The following ZNF423 variants were observed in gnomAD, a reference collection of about 807,000 sequenced individuals.
ZNF423 encodes zinc finger protein 423.
In ZNF423, 12 loss-of-function variants were observed where a neutral mutation model predicts 95.8. That is an observed-to-expected ratio of 0.13 (90% confidence interval 0.08 to 0.20). ZNF423 has a LOEUF of 0.20. Among genes scored for constraint, ZNF423 ranks in the 10% least tolerant of loss-of-function variants. The pLI is 1.00. For missense variants in ZNF423, 1,316 were observed against 1,737.1 expected (o/e 0.76, Z 4.31); for synonymous variants, 749 against 711.9 (o/e 1.05, Z -0.83).
intron 2 of ZNF423, 25 bp downstream of exon 2, chr16:49,789,462 C>A (rs2034374445): frequency 6.2e-7 from 1 of 1,609,168 alleles, no homozygotes; most frequent in Non-Finnish European, 8.5e-7. Context: ...CCCTGCAACT[C>A]TTCCACCAGC....
rs925160505 is a variant in ZNF423 at position 49,777,694 on chromosome 16, A to G, written c.100+11793T>C. ...AGCAACTACAGAAAGCGTGCCCTAG[A>G]CTCAGACAAAACCCCAACTAGCTGT... On this transcript the variant is annotated intron_variant, in intron 2 of 7. Transcript: ENST00000563137. Among the ~76,000 whole-genome samples the G allele has an allele frequency of 2.0e-5, 3 of 152,106 alleles. No individual in the cohort carries two copies. In the East Asian group the frequency reaches 5.8e-4, roughly 29 times the overall value.
chr16:49,491,625 G>T (rs1219304161), intron 7 of ZNF423, among the ~76,000 whole-genome samples: 1 of 151,482 alleles, frequency 6.6e-6, no homozygotes, highest in East Asian at 1.9e-4. Flanking sequence ...AAATGCCGGG[G>T]AGGAGGCAGG....
At chr16:49,497,585 C>A (rs768142964) in intron 7 of ZNF423, among the ~76,000 whole-genome samples, 59 of 152,210 alleles carry the variant, frequency 3.9e-4, no homozygotes, top group African/African-American at 1.4e-3. Context: ...GCCTGCACAT[C>A]ACCTCACTGT....
chr16:49,534,576 C>A (rs562866931), intron 5 of ZNF423, among the ~76,000 whole-genome samples: 5 of 152,184 alleles, frequency 3.3e-5, no homozygotes, highest in Non-Finnish European at 5.9e-5. Context: ...TCTGACATGA[C>A]TCTACCTGAA....
At chr16:49,751,925 G>C (rs1429830222) in intron 2 of ZNF423, among the ~76,000 whole-genome samples, 1 of 152,198 alleles carries the variant, frequency 6.6e-6, no homozygotes, top group African/African-American at 2.4e-5. Context: ...CTCCCACCCA[G>C]GCAGGACAGT....
chr16:49,828,979 G>A (rs1290190839), intron 1 of ZNF423, among the ~76,000 whole-genome samples: 2 of 152,130 alleles, frequency 1.3e-5, no homozygotes, highest in Non-Finnish European at 2.9e-5. Context: ...TGCTCCCGCT[G>A]GGCCCTCATT....
intron 2 of ZNF423, among the ~76,000 whole-genome samples, chr16:49,770,755 G>A (rs936541009): frequency 5.9e-5 from 9 of 152,162 alleles, no homozygotes; most frequent in Admixed American, 2.0e-4. Flanking sequence ...GATCATCTCC[G>A]GGCCCTACTA....
At chr16:49,610,289 C>T (rs893265383) in intron 5 of ZNF423, among the ~76,000 whole-genome samples, 5 of 152,194 alleles carry the variant, frequency 3.3e-5, no homozygotes, top group African/African-American at 4.8e-5. Flanking sequence ...AATTCCCCTT[C>T]TCTTCTTGAG....
chr16:49,550,648 G>A (rs1567460987), intron 5 of ZNF423, among the ~76,000 whole-genome samples: 2 of 152,258 alleles, frequency 1.3e-5, no homozygotes, highest in South Asian at 4.1e-4. Flanking sequence ...ACCACACTGG[G>A]GATAACTGGG....
chr16:49,499,956 G>A (rs1463834135), intron 7 of ZNF423, among the ~76,000 whole-genome samples: 1 of 152,180 alleles, frequency 6.6e-6, no homozygotes, highest in African/African-American at 2.4e-5. Context: ...TGCCTGGAGG[G>A]ACAGGGGACT....
chr16:49,769,370 A>G (rs931057924), intron 2 of ZNF423, among the ~76,000 whole-genome samples: 18 of 73,960 alleles, frequency 2.4e-4, no homozygotes, highest in Non-Finnish European at 3.5e-4. Context: ...AAAAAAGAAA[A>G]AAAGAAAAGA....
intron 1 of ZNF423, among the ~76,000 whole-genome samples, chr16:49,821,466 G>A (rs1172507023): frequency 6.6e-6 from 1 of 152,158 alleles, no homozygotes; most frequent in Non-Finnish European, 1.5e-5. Context: ...AGCTTAAGTG[G>A]AGGAAGCTTC....
chr16:49,554,768 C>T (rs1969765236), intron 5 of ZNF423, among the ~76,000 whole-genome samples: 1 of 151,838 alleles, frequency 6.6e-6, no homozygotes, highest in African/African-American at 2.4e-5. Flanking sequence ...AGATAAAGAT[C>T]GCCCTTAATT....
At chr16:49,682,929 C>T (rs779807736) in intron 3 of ZNF423, among the ~76,000 whole-genome samples, 3 of 152,184 alleles carry the variant, frequency 2.0e-5, no homozygotes, top group Non-Finnish European at 4.4e-5. Flanking sequence ...CCACAACCAG[C>T]GCAGAGCCGC....
chr16:49,794,332 G>C (rs747629509), intron 1 of ZNF423, among the ~76,000 whole-genome samples: 13 of 150,960 alleles, frequency 8.6e-5, no homozygotes, highest in Admixed American at 7.9e-4. Context: ...GCCTCCTAAA[G>C]TGCTGGGGTT....
intron 2 of ZNF423, among the ~76,000 whole-genome samples, chr16:49,776,549 G>C (rs752338203): frequency 1.3e-5 from 2 of 152,238 alleles, no homozygotes; most frequent in Non-Finnish European, 2.9e-5. Flanking sequence ...ACCTGCAGCT[G>C]TCCAGCCTCC....
At chr16:49,722,184 C>T (rs1468780794) in intron 3 of ZNF423, among the ~76,000 whole-genome samples, 1 of 152,172 alleles carries the variant, frequency 6.6e-6, no homozygotes, top group Non-Finnish European at 1.5e-5. Context: ...CAGAAGCCAT[C>T]GGAGGGCAGG....
chr16:49,530,803 C>G (rs2151719487), intron 5 of ZNF423, among the ~76,000 whole-genome samples: 1 of 152,302 alleles, frequency 6.6e-6, no homozygotes, highest in Middle Eastern at 3.4e-3. Context: ...AGAGGCAGGG[C>G]CCCTAACAGG....
At chr16:49,777,396 G>A (rs779390182) in intron 2 of ZNF423, among the ~76,000 whole-genome samples, 2 of 152,134 alleles carry the variant, frequency 1.3e-5, no homozygotes, top group Non-Finnish European at 2.9e-5. Flanking sequence ...ATGTATGAAT[G>A]TGTGCATGCA....
Sources: gnomAD v4.1 joint callset for allele counts (sites outside exome capture counted in the v4.1 genomes callset) on GRCh38, gnomAD v4.1.1 for gene constraint, MANE v1.5 for transcripts, NCBI Gene and HGNC (gene_info 2026-07-23, HGNC 2026-07-21) for gene names.